Variants in HIVEP3 observed in about 807,000 individuals in gnomAD.
HIVEP3 encodes HIVEP zinc finger 3, also known as transcription factor HIVEP3.
Under a neutral mutation model 152.8 loss-of-function variants are expected in HIVEP3, and 49 were observed. The observed-to-expected ratio is 0.32, with a 90% CI of 0.26 to 0.41. The LOEUF (loss-of-function observed/expected upper bound fraction) is 0.41, where lower values mean the gene tolerates loss of function less well. HIVEP3 is among the 10% of genes least tolerant of loss of function. The probability of loss-of-function intolerance (pLI) is 1.00; values close to 1 mark genes in which losing one functional copy is unlikely to be tolerated. For missense variants in HIVEP3, 2,790 were observed against 3,103.3 expected (o/e 0.90, Z 2.40); for synonymous variants, 1,269 against 1,289.0 (o/e 0.98, Z 0.33).
chr1:41,580,694 T>C lies in HIVEP3; in HGVS notation c.4104A>G (p.Val1368=), dbSNP rs764843431. The part of the protein sequence containing the change: ...FEEPPSKGTT[V]CGADVHEVGP... Reference sequence around the variant, plus strand: ...CAACCTCATGCACATCTGCACCACATACAGTCGTCCCCTTTGATGGGGGTT... The same window carrying C: ...CAACCTCATGCACATCTGCACCACACACAGTCGTCCCCTTTGATGGGGGTT... The change falls in exon 4 of 9, where the codon GTA becomes GTG. Residue 1368 remains valine, a synonymous_variant. Coordinates refer to ENST00000372583, the MANE Select transcript of HIVEP3 (RefSeq NM_024503.5). 3 of 1,607,154 alleles carry C rather than the reference T, an allele frequency of 1.9e-6. No homozygotes were observed. Among genetic ancestry groups the C allele is most frequent in the Admixed American group, 3.4e-5 (2 of 59,476 alleles).
intron 1 of HIVEP3, among the ~76,000 whole-genome samples, chr1:41,704,911 T>C (rs946094890): frequency 1.1e-4 from 17 of 152,250 alleles, no homozygotes; most frequent in African/African-American, 3.4e-4. Flanking sequence ...TTTTAGAGCC[T>C]ACCTTATGGT....
intron 1 of HIVEP3, among the ~76,000 whole-genome samples, chr1:41,750,058 G>A (rs1051885846): frequency 6.6e-6 from 1 of 152,174 alleles, no homozygotes; most frequent in Non-Finnish European, 1.5e-5. Flanking sequence ...AGAGGCGGTG[G>A]AGCCTCCTGG....
At chr1:41,968,117 G>A (rs1039517098) in intron 1 of HIVEP3, among the ~76,000 whole-genome samples, 5 of 151,950 alleles carry the variant, frequency 3.3e-5, no homozygotes, top group Admixed American at 3.3e-4. Context: ...TCTACCAGAG[G>A]TACAAAGAGG....
chr1:41,527,809 C>T (rs1334067021), intron 5 of HIVEP3, among the ~76,000 whole-genome samples: 1 of 146,830 alleles, frequency 6.8e-6, no homozygotes, highest in Non-Finnish European at 1.5e-5. Flanking sequence ...CTACACCCTA[C>T]CCTCCCACTC....
chr1:41,510,809 G>C lies in HIVEP3; in HGVS notation c.6863C>G (p.Pro2288Arg). 6.2e-7 allele frequency: 1 copy of C among 1,612,176 alleles called. No homozygotes were observed. The highest frequency in any genetic ancestry group is 8.5e-7 in the Non-Finnish European group (1 of 1,179,608). ...RERTGGGPGR[P>R]PDWTPHGTGA... ...GGTCCCATGGGGTGTCCAGTCAGGAGGCCTGCCCGGGCCTCCGCCGGTCCT... is the reference window on the plus strand; with the variant it reads ...GGTCCCATGGGGTGTCCAGTCAGGACGCCTGCCCGGGCCTCCGCCGGTCCT... Residue 2288 changes from proline (P) to arginine (R), a missense_variant, in exon 9 of 9, where the codon CCT (proline) becomes CGT (arginine). Pro to Arg is a moderately radical substitution (Grantham distance 103). Coordinates refer to ENST00000372583, the MANE Select transcript of HIVEP3 (RefSeq NM_024503.5).
intron 2 of HIVEP3, among the ~76,000 whole-genome samples, chr1:41,660,650 G>A (rs1645698251): frequency 6.6e-6 from 1 of 152,152 alleles, no homozygotes; most frequent in African/African-American, 2.4e-5. Context: ...TCATCTCTAT[G>A]GGTAGCCCCT....
chr1:42,007,929 G>A (rs950553137), intron 1 of HIVEP3, among the ~76,000 whole-genome samples: 2 of 152,004 alleles, frequency 1.3e-5, no homozygotes, highest in African/African-American at 4.8e-5. Context: ...TCTTCTGATG[G>A]ATTCCTTCAT....
intron 3 of HIVEP3, among the ~76,000 whole-genome samples, chr1:41,613,122 C>T (rs886240997): frequency 6.6e-6 from 1 of 152,242 alleles, no homozygotes; most frequent in Non-Finnish European, 1.5e-5. Flanking sequence ...GGGCTCACTG[C>T]CTGCAGGGAC....
intron 1 of HIVEP3, among the ~76,000 whole-genome samples, chr1:41,890,647 C>A (rs186651178): frequency 6.6e-6 from 1 of 152,178 alleles, no homozygotes; most frequent in Non-Finnish European, 1.5e-5. Context: ...CAGCTTCCCC[C>A]GGAAAACCAA....
At chr1:41,705,969 GT>G (rs2124136820) in intron 1 of HIVEP3, among the ~76,000 whole-genome samples, 1 of 152,310 alleles carries the variant, frequency 6.6e-6, no homozygotes, top group African/African-American at 2.4e-5. Context: ...CTGGTAGCCT[GT>G]TTTTGTAAAT....
At chr1:41,858,449 T>C (rs549601984) in intron 1 of HIVEP3, among the ~76,000 whole-genome samples, 1 of 152,220 alleles carries the variant, frequency 6.6e-6, no homozygotes, top group Admixed American at 6.5e-5. Context: ...TACTTCTCAA[T>C]CATAATTTCT....
At position 41,989,830 on chromosome 1, in the gene HIVEP3, T is replaced by C. The variant is rs375759969; in HGVS notation, n.119+45977A>G. On this transcript the variant is annotated intron_variant and non_coding_transcript_variant, in intron 1 of 3. Transcript: ENST00000489103. ...CCTATGTGTGTCTCTGCACGTGAGA[T>C]GGGTTTCCTGAATACAGCACACTGA... Among the ~76,000 whole-genome samples, 323 of 149,146 alleles carry C rather than the reference T, an allele frequency of 2.2e-3. 2 individuals carry two copies. Among genetic ancestry groups the C allele is most frequent in the African/African-American group, 7.6e-3 (306 of 40,300 alleles).
chr1:41,705,320 A>G (rs908767323), intron 1 of HIVEP3, among the ~76,000 whole-genome samples: 2 of 152,176 alleles, frequency 1.3e-5, no homozygotes, highest in Non-Finnish European at 2.9e-5. Flanking sequence ...TTCCATCAGT[A>G]TCCCTGGCAG....
chr1:41,712,248 A>T (rs762316960), intron 1 of HIVEP3, among the ~76,000 whole-genome samples: 26 of 152,246 alleles, frequency 1.7e-4, no homozygotes, highest in Admixed American at 1.3e-4. Context: ...GAGAAGCAGG[A>T]ACAGGGCCAT....
chr1:41,790,782 C>A (rs1326808584), intron 1 of HIVEP3, among the ~76,000 whole-genome samples: 1 of 152,104 alleles, frequency 6.6e-6, no homozygotes, highest in Admixed American at 6.5e-5. Context: ...AACAATGTGG[C>A]CCCTTCCCAT....
intron 3 of HIVEP3, among the ~76,000 whole-genome samples, chr1:41,593,869 G>A (rs1644625170): frequency 6.6e-6 from 1 of 152,158 alleles, no homozygotes; most frequent in East Asian, 1.9e-4. Context: ...TCTTTCTGGG[G>A]GCCCTAGAGG....
chr1:41,526,882 C>T (rs1185685418), intron 5 of HIVEP3, among the ~76,000 whole-genome samples: 20 of 144,820 alleles, frequency 1.4e-4, no homozygotes, highest in Non-Finnish European at 2.7e-4. Flanking sequence ...GCCTCACAAG[C>T]TCACTCTCAC....
intron 2 of HIVEP3, among the ~76,000 whole-genome samples, chr1:41,691,471 C>T (rs1268829319): frequency 1.3e-5 from 2 of 152,146 alleles, no homozygotes; most frequent in Non-Finnish European, 2.9e-5. Context: ...GGAGGTGGGG[C>T]CTTTGGGAGG....
intron 2 of HIVEP3, among the ~76,000 whole-genome samples, chr1:41,670,581 A>G (rs1645860126): frequency 1.3e-5 from 2 of 152,236 alleles, no homozygotes; most frequent in African/African-American, 4.8e-5. Context: ...AAGAAACAGA[A>G]TAAGTAAGTA....
Sources: allele counts gnomAD v4.1 joint callset (sites outside exome capture counted in the v4.1 genomes callset), GRCh38; gene constraint gnomAD v4.1.1; transcripts MANE v1.5; gene names NCBI Gene and HGNC (gene_info 2026-07-23, HGNC 2026-07-21).